Variants in RASIP1 observed in about 807,000 individuals in gnomAD.
RASIP1 encodes Ras interacting protein 1.
RASIP1 carries 20 observed loss-of-function variants against 85.3 expected under a neutral mutation model. The ratio of observed to expected loss-of-function variants is 0.23; its 90% CI spans 0.17 to 0.34. RASIP1 has a LOEUF of 0.34. Among genes scored for constraint, RASIP1 ranks in the 10% least tolerant of loss-of-function variants. The pLI is 1.00. For missense variants in RASIP1, 1,170 were observed against 1,390.9 expected (o/e 0.84, Z 2.53); for synonymous variants, 617 against 647.1 (o/e 0.95, Z 0.71).
intron 3 of RASIP1, chr19:48,737,759 G>A: frequency 1.0e-6 from 1 of 984,108 alleles, no homozygotes; most frequent in Non-Finnish European, 1.2e-6. Context: ...CACTCCTCGC[G>A]GGACCCAACA....
intron 3 of RASIP1, chr19:48,737,497 T>G (rs1314947945): frequency 1.0e-6 from 1 of 985,262 alleles, no homozygotes; most frequent in African/African-American, 1.7e-5. Flanking sequence ...ATATCTTCCT[T>G]CAGCCCCTTC....
chr19:48,731,402 T>C (rs535491792), intron 4 of RASIP1, among the ~76,000 whole-genome samples: 1 of 152,128 alleles, frequency 6.6e-6, no homozygotes, highest in South Asian at 2.1e-4. Context: ...CTTCCATCAA[T>C]GGACGTTCTC....
rs1300941564 is a variant in RASIP1, at chr19:48,724,863, G to A, written c.2225C>T (p.Pro742Leu). ...CACGCCCAGGGTAGGTCTCAATCCT[G>A]GAGGCATGGCCCCCAGCTCCGCGCC... ...GPGAELGAMP[P>L]GLRPTLGVFQ... The change falls in exon 9 of 12, where the codon CCA becomes CTA. Residue 742 changes from proline to leucine, a missense_variant. Around this residue, in one of 4 missense-constraint regions of RASIP1, gnomAD observed 426 missense variants for 576.2 expected, o/e 0.74. Coordinates refer to ENST00000222145, the MANE Select transcript of RASIP1 (RefSeq NM_017805.3). The surrounding 1 kb of genome is among the most constrained non-coding windows in gnomAD (Gnocchi z 4.6). 9 of 1,614,244 alleles carry A rather than the reference G, an allele frequency of 5.6e-6. No homozygotes were observed. In the South Asian group the frequency reaches 9.9e-5, roughly 18 times the overall value.
chr19:48,726,660 A>G, intron 8 of RASIP1, 125 bp downstream of exon 8: 1 of 763,460 alleles, frequency 1.3e-6, no homozygotes, highest in African/African-American at 1.8e-5. Context: ...CTTGAGTCAA[A>G]TAGTGACATC....
At chr19:48,725,777 A>G (rs1197644941) in intron 8 of RASIP1, among the ~76,000 whole-genome samples, 1 of 152,206 alleles carries the variant, frequency 6.6e-6, no homozygotes, top group Non-Finnish European at 1.5e-5. Context: ...CTATCTATCA[A>G]TCATTTATCT....
chr19:48,727,956 G>A (rs556695675), intron 5 of RASIP1, among the ~76,000 whole-genome samples: 1 of 151,816 alleles, frequency 6.6e-6, no homozygotes, highest in Admixed American at 6.6e-5. Context: ...CCAAAGTGCC[G>A]GGATTACAGG....
intron 4 of RASIP1, among the ~76,000 whole-genome samples, chr19:48,731,263 C>T (rs1029194513): frequency 6.6e-6 from 1 of 151,986 alleles, no homozygotes; most frequent in African/African-American, 2.4e-5. Context: ...ACCCCCCTAA[C>T]AGAGGATTTC....
At chr19:48,725,994 TC>T (rs1418266810) in intron 8 of RASIP1, among the ~76,000 whole-genome samples, 1 of 152,208 alleles carries the variant, frequency 6.6e-6, no homozygotes, top group African/African-American at 2.4e-5. Context: ...TGGTGCGATT[TC>T]AGCTCACTGC....
Position 48,729,441 on chromosome 19 carries a change from GC to G in RASIP1, c.1328del (p.Gly443AlafsTer192). ...GGCGCACCATGGCCGGGTGCTCAGG[GC>G]CCGCGCGCACTGTGCAGTGACGCGG... Reference protein sequence around the residue: ...ILPRHCTVRAGPEHPAMVRPS... With the variant: ...ILPRHCTVRAXPEHPAMVRPS... On this transcript the variant is annotated frameshift_variant, in exon 5 of 12. Transcript: ENST00000222145. LOFTEE classifies it high-confidence loss of function. 6.4e-7 allele frequency: 1 copy of G among 1,563,654 alleles called. No individual in the cohort carries two copies. The highest frequency in any genetic ancestry group is 8.7e-7 in the Non-Finnish European group (1 of 1,154,764).
Position 48,738,225 on chromosome 19 carries a change from G to T in RASIP1, c.823+735C>A, listed in dbSNP as rs943652394. Among the ~76,000 whole-genome samples, 1 of 152,158 alleles carries T rather than the reference G, an allele frequency of 6.6e-6. No individual in the cohort carries two copies. Among genetic ancestry groups the T allele is most frequent in the African/African-American group, 2.4e-5 (1 of 41,424 alleles). On this transcript the variant is annotated intron_variant, in intron 3 of 11. Coordinates refer to ENST00000222145, the MANE Select transcript of RASIP1 (RefSeq NM_017805.3). This position sits in a 1 kb window ranked among gnomAD's most constrained non-coding sequence, Gnocchi z 4.0. ...CTCTCAAAGTGCTGGGATTACAGGC[G>T]TGAGCCACCACGCCCGGCCAGGACT...
At chr19:48,723,839 G>T (rs564027705) in intron 10 of RASIP1, among the ~76,000 whole-genome samples, 2 of 139,250 alleles carry the variant, frequency 1.4e-5, no homozygotes, top group Non-Finnish European at 3.0e-5. Context: ...ACAGGGTCTC[G>T]CTCTGTCGCC....
intron 4 of RASIP1, among the ~76,000 whole-genome samples, chr19:48,732,325 G>A (rs1023428444): frequency 2.7e-5 from 4 of 150,662 alleles, no homozygotes; most frequent in Non-Finnish European, 4.4e-5. Flanking sequence ...GCGCGATCTC[G>A]GCTCACTACA....
At position 48,740,380 on chromosome 19, in the gene RASIP1, C is replaced by T; in HGVS notation, c.-4-94G>A. ...ACTCCGAGTCAGAGGGAGGAGGGGG[C>T]TGGGGCTCAGACTTGCGAGTCCAGG... On this transcript the variant is annotated intron_variant, in intron 1 of 11. Coordinates refer to ENST00000222145, the MANE Select transcript of RASIP1 (RefSeq NM_017805.3). This position sits in a 1 kb window ranked among gnomAD's most constrained non-coding sequence, Gnocchi z 5.5. 1 of 1,469,836 alleles carries T rather than the reference C, an allele frequency of 6.8e-7. No individual in the cohort carries two copies. The allele number at this position is 1,469,836 out of a possible 1,614,324, so 91.0% of individuals were successfully genotyped here. A position where few individuals can be genotyped will look rare whatever the true frequency, so the allele number is the denominator to read the frequency against.
Position 48,728,964 on chromosome 19 carries a change from C to T in RASIP1, c.1806G>A (p.Leu602=). 2 of 1,460,764 alleles carry T rather than the reference C, an allele frequency of 1.4e-6. No homozygotes were observed. Among genetic ancestry groups the T allele is most frequent in the Non-Finnish European group, 1.8e-6 (2 of 1,115,454 alleles). 90.5% of individuals were successfully genotyped at this position (1,460,764 alleles called of 1,614,324 possible). A position where few individuals can be genotyped will look rare whatever the true frequency, so the allele number is the denominator to read the frequency against. The change falls in exon 5 of 12, where the codon CTG becomes CTA. Residue 602 remains leucine (L), a synonymous_variant. Transcript: ENST00000222145. ...LGHLPRLLGR[L]ARLIKEAVWE... is the part of the protein sequence containing the mutation. ...AGACGGCCTCCTTGATGAGCCGGGC[C>T]AGGCGGCCCAGCAGTCGTGGCAGGT... is the stretch of plus-strand genomic sequence containing the variant.
In RASIP1 at chr19:48,736,924, C is replaced by G. The variant is rs186938543; in HGVS notation, c.824-1373G>C. Among the ~76,000 whole-genome samples the G allele has an allele frequency of 2.2e-3, 342 of 152,246 alleles. 3 individuals are homozygous for G. The highest frequency in any genetic ancestry group is 8.1e-3 in the African/African-American group (337 of 41,542). The stretch of plus-strand genomic sequence containing the variant: ...TGGTAGTGGGCACCTGTAATCCCAG[C>G]TATTCGGGAGGCTGAGGCAGGAGAA... On this transcript the variant is annotated intron_variant, in intron 3 of 11. Transcript: ENST00000222145.
intron 3 of RASIP1, among the ~76,000 whole-genome samples, chr19:48,736,977 A>G (rs1348704110): frequency 6.6e-6 from 1 of 152,090 alleles, no homozygotes; most frequent in African/African-American, 2.4e-5. Context: ...TGGAGGTCGC[A>G]GTGAGCCATG....
At chr19:48,727,685 T>G (rs2033366545) in intron 5 of RASIP1, among the ~76,000 whole-genome samples, 1 of 147,794 alleles carries the variant, frequency 6.8e-6, no homozygotes, top group Non-Finnish European at 1.5e-5. Flanking sequence ...ACGGATTCTT[T>G]TTTTTTTTTT....
intron 4 of RASIP1, among the ~76,000 whole-genome samples, chr19:48,734,022 A>G (rs1039682595): frequency 5.9e-5 from 9 of 151,500 alleles, no homozygotes; most frequent in African/African-American, 2.2e-4. Flanking sequence ...TAGGCCGGGC[A>G]CAGTGGCTTA....
intron 11 of RASIP1, among the ~76,000 whole-genome samples, chr19:48,721,454 G>T (rs1413071906): frequency 6.6e-6 from 1 of 152,056 alleles, no homozygotes; most frequent in Admixed American, 6.6e-5. Flanking sequence ...GGTGGGGAGG[G>T]ACAGGGGTCC....
Sources: allele counts gnomAD v4.1 joint callset (sites outside exome capture counted in the v4.1 genomes callset), GRCh38; gene constraint gnomAD v4.1.1; regional missense constraint gnomAD v4.1.1; non-coding constraint Gnocchi (gnomAD v3.1); transcripts MANE v1.5; gene names NCBI Gene and HGNC (gene_info 2026-07-23, HGNC 2026-07-21).